Variants in SDCCAG8 observed in about 807,000 individuals in gnomAD.
SDCCAG8 encodes the protein SHH signaling and ciliogenesis regulator SDCCAG8, also known as serologically defined colon cancer antigen 8.
Under a neutral mutation model 101.8 loss-of-function variants are expected in SDCCAG8, and 74 were observed. The observed-to-expected ratio is 0.73, with a 90% CI of 0.60 to 0.88. The LOEUF (loss-of-function observed/expected upper bound fraction) is 0.88. Among genes scored for constraint, SDCCAG8 ranks in the 40% least tolerant of loss-of-function variants. The pLI is 0.00. For synonymous variants in SDCCAG8, 281 were observed against 292.9 expected (o/e 0.96, Z 0.41); for missense variants, 787 against 822.6 (o/e 0.96, Z 0.53).
chr1:243,452,190 G>A (rs1324259511), intron 16 of SDCCAG8, among the ~76,000 whole-genome samples: 1 of 152,172 alleles, frequency 6.6e-6, no homozygotes, highest in South Asian at 2.1e-4. Flanking sequence ...GATTACTGGT[G>A]TGCCTTCTTC....
intron 14 of SDCCAG8, 65 bp from the exon 15 acceptor site, chr1:243,417,903 T>C (rs2080709660): frequency 7.8e-6 from 9 of 1,158,464 alleles, no homozygotes; most frequent in South Asian, 2.4e-5. Flanking sequence ...ACTCTATGTA[T>C]GGAAGCACTG....
chr1:243,348,964 C>T (rs2075918118), intron 12 of SDCCAG8, among the ~76,000 whole-genome samples: 1 of 148,746 alleles, frequency 6.7e-6, no homozygotes, highest in African/African-American at 2.5e-5. Flanking sequence ...CCAGCCTGGG[C>T]AACAAGAGCG....
chr1:243,425,913 T>G (rs970691233), intron 15 of SDCCAG8, among the ~76,000 whole-genome samples: 15 of 152,220 alleles, frequency 9.9e-5, no homozygotes, highest in African/African-American at 3.4e-4. Context: ...AAAAGCACCC[T>G]CACAGAAATG....
intron 16 of SDCCAG8, among the ~76,000 whole-genome samples, chr1:243,468,288 G>C (rs1395366567): frequency 6.6e-6 from 1 of 151,562 alleles, no homozygotes; most frequent in African/African-American, 2.4e-5. Flanking sequence ...CATGATCTTG[G>C]CTCACTGCAA....
intron 13 of SDCCAG8, among the ~76,000 whole-genome samples, chr1:243,402,727 G>T (rs1479584757): frequency 1.3e-5 from 2 of 152,196 alleles, no homozygotes; most frequent in African/African-American, 4.8e-5. Context: ...GATGAAGTTA[G>T]ATTCTCATGA....
chr1:243,331,431 T>G (rs941534197), intron 10 of SDCCAG8, among the ~76,000 whole-genome samples: 1 of 152,222 alleles, frequency 6.6e-6, no homozygotes. Context: ...TCAGATTCAA[T>G]GTGTGATAAT....
chr1:243,476,604 C>A (rs1241214508), intron 16 of SDCCAG8, among the ~76,000 whole-genome samples: 3 of 152,180 alleles, frequency 2.0e-5, no homozygotes, highest in African/African-American at 7.2e-5. Context: ...GCAGTGTGCC[C>A]CCCAAACCCA....
At chr1:243,320,185 A>G (rs1315124303) in intron 9 of SDCCAG8, among the ~76,000 whole-genome samples, 1 of 152,154 alleles carries the variant, frequency 6.6e-6, no homozygotes, top group Non-Finnish European at 1.5e-5. Flanking sequence ...ACCAGTCACT[A>G]AGTACAGATC....
chr1:243,414,572 T>G (rs1379250054), intron 13 of SDCCAG8, among the ~76,000 whole-genome samples: 11 of 152,262 alleles, frequency 7.2e-5, no homozygotes, highest in Non-Finnish European at 1.5e-5. Flanking sequence ...CATTGACCAA[T>G]TTTAATACAG....
chr1:243,489,011 C>A lies in SDCCAG8; in HGVS notation c.1986-3C>A, dbSNP rs757455834. On this transcript the variant is annotated splice_polypyrimidine_tract_variant and splice_region_variant and intron_variant, in intron 16 of 17. Coordinates refer to ENST00000366541, the MANE Select transcript of SDCCAG8 (RefSeq NM_006642.5). ...TTTAATTCTGCGGTGGATTTTTCTCCAGGCTAAGGCAGCTGGATAAGCACA... is the reference window on the plus strand; with the variant it reads ...TTTAATTCTGCGGTGGATTTTTCTCAAGGCTAAGGCAGCTGGATAAGCACA... 1 of 1,613,352 alleles carries A rather than the reference C, an allele frequency of 6.2e-7. No individual in the cohort carries two copies.
At chr1:243,340,871 C>G (rs776403685) in intron 10 of SDCCAG8, among the ~76,000 whole-genome samples, 168 bp from the exon 11 acceptor site, 1 of 152,142 alleles carries the variant, frequency 6.6e-6, no homozygotes, top group Non-Finnish European at 1.5e-5. Context: ...TATTTCAGTT[C>G]ACTGGGCATA....
intron 6 of SDCCAG8, among the ~76,000 whole-genome samples, chr1:243,303,223 G>T (rs951721809): frequency 1.3e-5 from 2 of 152,156 alleles, no homozygotes; most frequent in Admixed American, 6.5e-5. Flanking sequence ...GAAACAAATT[G>T]ACATGAGATA....
chr1:243,430,689 C>T (rs1487496169), intron 16 of SDCCAG8, among the ~76,000 whole-genome samples: 1 of 151,998 alleles, frequency 6.6e-6, no homozygotes, highest in African/African-American at 2.4e-5. Flanking sequence ...CCGCCAGCCT[C>T]GGCCTCCCAA....
intron 6 of SDCCAG8, among the ~76,000 whole-genome samples, chr1:243,295,007 C>G (rs966466949): frequency 6.6e-6 from 1 of 152,100 alleles, no homozygotes; most frequent in African/African-American, 2.4e-5. Context: ...CAGTCACCCT[C>G]TCCTGTCTTA....
rs547764532 is a variant in SDCCAG8 at position 243,334,581 on chromosome 1, G to GTTGT, written c.1221+3910_1221+3913dup. ...TGCCCTCTTTAACTGATTCTTCAGA[G>GTTGT]TTGTTTGTTTGTTTGTTTGTTTGTA... is the stretch of plus-strand genomic sequence containing the variant. On this transcript the variant is annotated intron_variant, in intron 10 of 17. Transcript: ENST00000366541. Among the ~76,000 whole-genome samples, 1,022 of 152,052 alleles carry GTTGT rather than the reference G, an allele frequency of 6.7e-3. 8 individuals are homozygous for GTTGT. The highest frequency in any genetic ancestry group is 0.023 in the African/African-American group (936 of 41,450).
At chr1:243,382,246 G>A (rs551198188) in intron 13 of SDCCAG8, among the ~76,000 whole-genome samples, 20 of 152,082 alleles carry the variant, frequency 1.3e-4, no homozygotes, top group Non-Finnish European at 2.2e-4. Flanking sequence ...GACTTTCTGG[G>A]TTGGGAGCTG....
At chr1:243,427,299 C>G (rs1256680138) in intron 16 of SDCCAG8, among the ~76,000 whole-genome samples, 1 of 152,162 alleles carries the variant, frequency 6.6e-6, no homozygotes, top group Non-Finnish European at 1.5e-5. Flanking sequence ...TCTTTTGACT[C>G]CAAAATCCTT....
At chr1:243,415,267 A>G (rs1314354564) in intron 13 of SDCCAG8, among the ~76,000 whole-genome samples, 1 of 152,148 alleles carries the variant, frequency 6.6e-6, no homozygotes, top group African/African-American at 2.4e-5. Flanking sequence ...TTAAGATTCC[A>G]TTTTAAGTTT....
chr1:243,469,830 G>GTTTT (rs746906257), intron 16 of SDCCAG8, among the ~76,000 whole-genome samples: 4,264 of 123,422 alleles, frequency 0.035, 314 homozygotes, highest in African/African-American at 0.13. Flanking sequence ...GAAAGTGTTG[G>GTTTT]TTTTTTTTTT....
Sources: gnomAD v4.1 joint callset for allele counts (sites outside exome capture counted in the v4.1 genomes callset) on GRCh38, gnomAD v4.1.1 for gene constraint, MANE v1.5 for transcripts, NCBI Gene and HGNC (gene_info 2026-07-23, HGNC 2026-07-21) for gene names.